Variants in GFI1B observed in about 807,000 individuals in gnomAD.
GFI1B encodes zinc finger protein Gfi-1b.
GFI1B carries 20 observed loss-of-function variants against 35.3 expected under a neutral mutation model. The ratio of observed to expected loss-of-function variants is 0.57; its 90% confidence interval spans 0.40 to 0.82. The LOEUF (loss-of-function observed/expected upper bound fraction) is 0.82, where lower values mean the gene tolerates loss of function less well. Ranked by LOEUF, GFI1B falls within the 40% of genes least tolerant of loss-of-function variation. The probability of loss-of-function intolerance (pLI) is 0.00; values close to 1 mark genes in which losing one functional copy is unlikely to be tolerated. For synonymous variants in GFI1B, 178 were observed against 177.6 expected, an observed-to-expected ratio of 1.00 and a Z score of -0.02; for missense variants, 430 against 446.3, an observed-to-expected ratio of 0.96 and a Z score of 0.33.
At chr9:132,984,229 A>G (rs1848939206) in intron 1 of GFI1B, among the ~76,000 whole-genome samples, 1 of 152,148 alleles carries the variant, frequency 6.6e-6, no homozygotes, top group Admixed American at 6.5e-5. Context: ...CCTCCTGCTC[A>G]CTGGGTCCCC....
rs745906374 is a variant in GFI1B, at chr9:132,989,105, C to T, written c.555C>T (p.Ser185=). 2.5e-6 allele frequency: 4 copies of T among 1,613,890 alleles called. No homozygotes were observed. In the African/African-American group the frequency reaches 4.0e-5, roughly 16 times the overall value. The change falls in exon 5 of 7, where the codon TCC becomes TCT. Residue 185 remains serine (S), a synonymous_variant. Coordinates refer to ENST00000372122, the MANE Select transcript of GFI1B (RefSeq NM_001377304.1). This position sits in a 1 kb window ranked among gnomAD's most constrained non-coding sequence, Gnocchi z 6.2. The stretch of plus-strand genomic sequence containing the variant: ...GGCTCGAAGTGCATGTGCGACGCTC[C>T]CATAGTGGGACCCGGCCCTTCGCCT... ...PHGLEVHVRR[S]HSGTRPFACD... is the part of the protein sequence containing the mutation.
In GFI1B at chr9:132,991,299, G is replaced by A. The variant is rs911065236; in HGVS notation, c.*249G>A. On this transcript the variant is annotated 3_prime_UTR_variant, in exon 7 of 7. Coordinates refer to ENST00000372122, the MANE Select transcript of GFI1B (RefSeq NM_001377304.1). ...TTCTCAGCAGAAGTTGTTTCCAGGT[G>A]TGCTCAAGTGCCTTCCTCTAGCAGA... 3.6e-5 allele frequency: 20 copies of A among 558,242 alleles called. No individual in the cohort carries two copies. The highest frequency in any genetic ancestry group is 5.8e-5 in the Non-Finnish European group (18 of 309,110). 34.6% of individuals were successfully genotyped at this position (558,242 alleles called of 1,614,324 possible). A position where few individuals can be genotyped will look rare whatever the true frequency, so the allele number is the denominator to read the frequency against.
intron 1 of GFI1B, among the ~76,000 whole-genome samples, chr9:132,968,928 C>T (rs1848490360): frequency 6.6e-6 from 1 of 152,208 alleles, no homozygotes; most frequent in Non-Finnish European, 1.5e-5. Flanking sequence ...AGGACTTTTT[C>T]ATCTCGCAAA....
At chr9:132,981,709 G>A (rs1486743576) in intron 1 of GFI1B, among the ~76,000 whole-genome samples, 1 of 151,964 alleles carries the variant, frequency 6.6e-6, no homozygotes, top group Non-Finnish European at 1.5e-5. Context: ...CCTGACCTGG[G>A]CTCATTTTCC....
upstream of GFI1B, among the ~76,000 whole-genome samples, chr9:132,976,271 G>A (rs982865516): frequency 6.6e-6 from 1 of 152,192 alleles, no homozygotes; most frequent in African/African-American, 2.4e-5. Flanking sequence ...AACTTAGGAA[G>A]CACTTCCATA....
At chr9:132,981,628 A>G (rs1253193382) in intron 1 of GFI1B, among the ~76,000 whole-genome samples, 1 of 151,592 alleles carries the variant, frequency 6.6e-6, no homozygotes, top group Admixed American at 6.6e-5. Flanking sequence ...ACAGAGTGAG[A>G]CTCTGTCTCA....
At chr9:132,964,122 C>G (rs892997640) in intron 1 of GFI1B, among the ~76,000 whole-genome samples, 9 of 152,138 alleles carry the variant, frequency 5.9e-5, no homozygotes, top group African/African-American at 2.2e-4. Context: ...CGCCTGTAAT[C>G]CCAGCTACTT....
chr9:132,976,571 T>A (rs892770389), upstream of GFI1B: 2 of 152,216 alleles, frequency 1.3e-5, no homozygotes, highest in Admixed American at 6.5e-5. Flanking sequence ...AAGACCAGCC[T>A]ATTGTGAATA....
Position 132,989,041 on chromosome 9 carries a change from C to A in GFI1B, c.511-20C>A. On this transcript the variant is annotated intron_variant, in intron 4 of 6. Transcript: ENST00000372122. This position sits in a 1 kb window ranked among gnomAD's most constrained non-coding sequence, Gnocchi z 6.2. ...GTCACCGCAGCCCCCAGTGGCCTCA[C>A]ATGCTGCCCCTGCTCCCAGGTCTTC... 1.9e-6 allele frequency: 3 copies of A among 1,613,212 alleles called. No individual in the cohort carries two copies. The highest frequency in any genetic ancestry group is 2.5e-6 in the Non-Finnish European group (3 of 1,179,182).
chr9:132,956,685 G>T (rs1244250886), intron 1 of GFI1B, among the ~76,000 whole-genome samples: 1 of 152,212 alleles, frequency 6.6e-6, no homozygotes, highest in Non-Finnish European at 1.5e-5. Context: ...GTTGTCTATT[G>T]CTGTGGAGCA....
At chr9:132,964,266 A>G (rs369765952) in intron 1 of GFI1B, among the ~76,000 whole-genome samples, 94 of 152,288 alleles carry the variant, frequency 6.2e-4, no homozygotes, top group African/African-American at 1.4e-3. Context: ...ATTAAATAAA[A>G]ACCTATAATG....
chr9:132,950,072 A>C (rs1848177574), intron 1 of GFI1B, among the ~76,000 whole-genome samples: 1 of 152,152 alleles, frequency 6.6e-6, no homozygotes, highest in South Asian at 2.1e-4. Flanking sequence ...TGATCGTGCC[A>C]CTGCACTCCA....
At chr9:132,959,478 C>T (rs922625164) in intron 1 of GFI1B, among the ~76,000 whole-genome samples, 2 of 152,214 alleles carry the variant, frequency 1.3e-5, no homozygotes, top group Non-Finnish European at 2.9e-5. Context: ...CAGGTTAATA[C>T]GGACAGTCCA....
At position 132,989,681 on chromosome 9, in the gene GFI1B, C is replaced by T. The variant is rs539540352; in HGVS notation, c.649-61C>T. ...TGGAGTGTCCTGTTCCGCAGGGGAT[C>T]CCGGCCGGGTCCAGTCCTGAGCCTG... On this transcript the variant is annotated intron_variant, in intron 5 of 6. Transcript: ENST00000372122. This position sits in a 1 kb window ranked among gnomAD's most constrained non-coding sequence, Gnocchi z 6.2. 6.0e-5 allele frequency: 86 copies of T among 1,434,058 alleles called. 2 individuals carry two copies. The African/African-American group carries it at 1.1e-3, about 19-fold the overall frequency. The allele number at this position is 1,434,058 out of a possible 1,614,324, so 88.8% of individuals were successfully genotyped here. A position where few individuals can be genotyped will look rare whatever the true frequency, so the allele number is the denominator to read the frequency against.
rs148403628 is a variant in GFI1B, at chr9:132,954,526, G to A, written c.-701+8857G>A. Reference sequence around the variant, plus strand: ...GGAGGCAGAAGTTGCAGTGAGCTGAGATCATGCCACTGCACTCCAGCCTGG... The same window carrying A: ...GGAGGCAGAAGTTGCAGTGAGCTGAAATCATGCCACTGCACTCCAGCCTGG... On this transcript the variant is annotated intron_variant, in intron 1 of 10. Transcript: ENST00000339463. 7.1e-3 allele frequency among the ~76,000 whole-genome samples: 1,043 copies of A among 147,578 alleles called. 11 individuals carry two copies. Among genetic ancestry groups the A allele is most frequent in the Admixed American group, 0.012 (176 of 14,576 alleles).
chr9:132,975,205 G>A (rs2132614930), upstream of GFI1B: 1 of 152,310 alleles, frequency 6.6e-6, no homozygotes, highest in Middle Eastern at 3.4e-3. Flanking sequence ...TGTCCTAAAG[G>A]TAAAGGGAAA....
intron 1 of GFI1B, among the ~76,000 whole-genome samples, chr9:132,983,547 G>A (rs560377475): frequency 8.1e-4 from 124 of 152,166 alleles, no homozygotes; most frequent in Middle Eastern, 6.8e-3. Context: ...TGTGCTGCAG[G>A]CGGTGTTCAC....
At chr9:132,965,009 C>T (rs1356973250) in intron 1 of GFI1B, among the ~76,000 whole-genome samples, 3 of 152,102 alleles carry the variant, frequency 2.0e-5, no homozygotes, top group Non-Finnish European at 2.9e-5. Flanking sequence ...AGAATATGTA[C>T]ATATCAATAA....
At chr9:132,983,538 G>A (rs1848913086) in intron 1 of GFI1B, among the ~76,000 whole-genome samples, 2 of 152,242 alleles carry the variant, frequency 1.3e-5, no homozygotes, top group African/African-American at 4.8e-5. Flanking sequence ...ATTTCCCTCT[G>A]TGCTGCAGGC....
Sources: gnomAD v4.1 joint callset for allele counts (sites outside exome capture counted in the v4.1 genomes callset) on GRCh38, gnomAD v4.1.1 for gene constraint, Gnocchi (gnomAD v3.1) non-coding constraint, MANE v1.5 for transcripts, NCBI Gene and HGNC (gene_info 2026-07-23, HGNC 2026-07-21) for gene names.